Variants in RUNX3 observed in about 807,000 individuals in gnomAD.
The protein encoded by RUNX3 is runt-related transcription factor 3.
Under a neutral mutation model 27.7 loss-of-function variants are expected in RUNX3, and 10 were observed. The ratio of observed to expected loss-of-function variants is 0.36; its 90% confidence interval spans 0.22 to 0.61. RUNX3 has a LOEUF of 0.61. RUNX3 is among the 20% of genes least tolerant of loss of function. RUNX3 has a pLI of 0.72. For synonymous variants in RUNX3, 270 were observed against 269.2 expected (o/e 1.00, Z -0.03); for missense variants, 469 against 629.5 (o/e 0.75, Z 2.73).
At chr1:24,950,618 C>G (rs922133464) in intron 2 of RUNX3, among the ~76,000 whole-genome samples, 11 of 152,332 alleles carry the variant, frequency 7.2e-5, no homozygotes, top group African/African-American at 2.6e-4. Context: ...TGGGGTGGAT[C>G]TCTGTTCTTG....
chr1:24,958,049 G>A (rs1325431028), intron 2 of RUNX3, among the ~76,000 whole-genome samples: 1 of 152,222 alleles, frequency 6.6e-6, no homozygotes, highest in African/African-American at 2.4e-5. Flanking sequence ...AGGAGGGTGA[G>A]ATGTGGAAAC....
chr1:24,925,846 C>T (rs1263267769), intron 2 of RUNX3, among the ~76,000 whole-genome samples: 1 of 152,210 alleles, frequency 6.6e-6, no homozygotes, highest in Non-Finnish European at 1.5e-5. Context: ...ATTCCTGCTA[C>T]AAGGACAAGC....
intron 3 of RUNX3, among the ~76,000 whole-genome samples, chr1:24,908,263 C>CGCGGTGATCCGAACCTCTACGACAT (rs1640722489): frequency 6.7e-6 from 1 of 148,762 alleles, no homozygotes; most frequent in Admixed American, 6.6e-5. Context: ...CTCTACGACA[C>CGCGGTGATCCGAACCTCTACGACAT]GCGGTGATCC....
At chr1:24,914,206 C>T (rs1032003924) in intron 3 of RUNX3, among the ~76,000 whole-genome samples, 7 of 152,218 alleles carry the variant, frequency 4.6e-5, no homozygotes, top group African/African-American at 1.7e-4. Context: ...TTGGGAAAAG[C>T]AGAGTCGGGC....
chr1:24,950,934 G>T (rs757976669), intron 2 of RUNX3, among the ~76,000 whole-genome samples: 3 of 152,130 alleles, frequency 2.0e-5, no homozygotes, highest in African/African-American at 7.2e-5. Context: ...TAGGCCGGGC[G>T]TGGTGGCTCA....
At chr1:24,958,746 G>C (rs530172232) in intron 2 of RUNX3, among the ~76,000 whole-genome samples, 2 of 152,326 alleles carry the variant, frequency 1.3e-5, no homozygotes, top group Admixed American at 6.5e-5. Context: ...CTGAGTCTCA[G>C]GGCAGGCCCA....
At chr1:24,964,639 C>A in exon 2 of RUNX3, 1 of 1,551,200 alleles carries the variant, frequency 6.4e-7, no homozygotes, top group Non-Finnish European at 8.7e-7. Flanking sequence ...ACTTGGTTGG[C>A]TGTTGTTTTA....
At chr1:24,932,285 C>A (rs2124315870), upstream of RUNX3, among the ~76,000 whole-genome samples, 1 of 137,178 alleles carries the variant, frequency 7.3e-6, no homozygotes, top group Non-Finnish European at 1.6e-5. Context: ...CCGTAGGGCG[C>A]TGGCTCCCCG....
intron 2 of RUNX3, among the ~76,000 whole-genome samples, chr1:24,956,406 A>G (rs1265056259): frequency 6.6e-6 from 1 of 152,258 alleles, no homozygotes; most frequent in Non-Finnish European, 1.5e-5. Flanking sequence ...ATTAACTACT[A>G]TGGACTTTTC....
chr1:24,962,783 T>C lies in RUNX3; in HGVS notation c.58+1731A>G, dbSNP rs1454122659. On this transcript the variant is annotated intron_variant, in intron 2 of 6. Coordinates refer to the RUNX3 transcript ENST00000338888. The surrounding 1 kb of genome is among the most constrained non-coding windows in gnomAD (Gnocchi z 4.5). ...AAAGCCACCTCTCCCTTTGTGCCCTTTGTGCTACTGCCAGCCACCTCCCAG... is the reference window on the plus strand; with the variant it reads ...AAAGCCACCTCTCCCTTTGTGCCCTCTGTGCTACTGCCAGCCACCTCCCAG... 6.6e-6 allele frequency among the ~76,000 whole-genome samples: 1 copy of C among 152,154 alleles called. No homozygotes were observed. The highest frequency in any genetic ancestry group is 6.5e-5 in the Admixed American group (1 of 15,280).
At chr1:24,939,551 T>C (rs1270379415) in intron 2 of RUNX3, among the ~76,000 whole-genome samples, 1 of 152,236 alleles carries the variant, frequency 6.6e-6, no homozygotes, top group African/African-American at 2.4e-5. Context: ...GGACAAATCT[T>C]TACACACAGA....
intron 2 of RUNX3, among the ~76,000 whole-genome samples, chr1:24,953,423 C>T (rs553488849): frequency 1.2e-3 from 164 of 135,314 alleles, no homozygotes; most frequent in African/African-American, 4.2e-3. Flanking sequence ...AAAAACAGAT[C>T]TGCATAGCCC....
intron 3 of RUNX3, among the ~76,000 whole-genome samples, chr1:24,912,817 G>A (rs372073583): frequency 6.6e-6 from 1 of 151,754 alleles, no homozygotes; most frequent in Admixed American, 6.6e-5. Context: ...GGAAGAGGGC[G>A]GGGTTCACAG....
At chr1:24,913,421 C>CT (rs1157642124) in intron 3 of RUNX3, among the ~76,000 whole-genome samples, 1 of 152,260 alleles carries the variant, frequency 6.6e-6, no homozygotes, top group East Asian at 1.9e-4. Flanking sequence ...TGGGCCTCAG[C>CT]TGTCTTATCT....
At chr1:24,918,602 G>T (rs973759268) in intron 3 of RUNX3, among the ~76,000 whole-genome samples, 8 of 152,080 alleles carry the variant, frequency 5.3e-5, no homozygotes, top group African/African-American at 1.4e-4. Flanking sequence ...CAGTCAGTCA[G>T]TCAGTCATTC....
At position 24,916,746 on chromosome 1, in the gene RUNX3, G is replaced by A. The variant is rs879450332; in HGVS notation, c.544+2494C>T. Reference sequence around the variant, plus strand: ...TGGGGGACCTAGTAGACTGCCCCCCGACTCCATCTCTGCTCTGTTCTGTAA... The same window carrying A: ...TGGGGGACCTAGTAGACTGCCCCCCAACTCCATCTCTGCTCTGTTCTGTAA... On this transcript the variant is annotated intron_variant, in intron 3 of 4. Transcript: ENST00000308873. The surrounding 1 kb of genome is among the most constrained non-coding windows in gnomAD (Gnocchi z 4.8). Among the ~76,000 whole-genome samples, 2 of 152,060 alleles carry A rather than the reference G, an allele frequency of 1.3e-5. No individual in the cohort carries two copies. Among genetic ancestry groups the A allele is most frequent in the Non-Finnish European group, 2.9e-5 (2 of 68,000 alleles).
chr1:24,912,018 C>A (rs903899901), intron 3 of RUNX3, among the ~76,000 whole-genome samples: 1 of 152,230 alleles, frequency 6.6e-6, no homozygotes, highest in Non-Finnish European at 1.5e-5. Flanking sequence ...GTGGCCAGGG[C>A]GCCAGAGAGT....
intron 3 of RUNX3, among the ~76,000 whole-genome samples, chr1:24,917,847 C>T (rs1640917849): frequency 6.6e-6 from 1 of 152,198 alleles, no homozygotes; most frequent in Non-Finnish European, 1.5e-5. Context: ...CCATCACCAC[C>T]TTGAGACTCC....
chr1:24,960,560 G>A (rs1017108602), intron 2 of RUNX3, among the ~76,000 whole-genome samples: 3 of 152,216 alleles, frequency 2.0e-5, no homozygotes, highest in African/African-American at 7.2e-5. Flanking sequence ...GGCAGTTTGG[G>A]CCCATTTCCT....
Sources: gnomAD v4.1 joint callset for allele counts (sites outside exome capture counted in the v4.1 genomes callset) on GRCh38, gnomAD v4.1.1 for gene constraint, Gnocchi (gnomAD v3.1) non-coding constraint, MANE v1.5 for transcripts, NCBI Gene and HGNC (gene_info 2026-07-23, HGNC 2026-07-21) for gene names.